The following SYN2 variants were observed in gnomAD, a reference collection of about 807,000 sequenced individuals.
SYN2 encodes the protein synapsin-2.
A neutral mutation model predicts 50.9 loss-of-function variants in SYN2; 19 were observed. That is an observed-to-expected ratio of 0.37 (90% CI 0.26 to 0.55). The LOEUF (loss-of-function observed/expected upper bound fraction) is 0.55. SYN2 is among the 20% of genes least tolerant of loss of function. SYN2 has a pLI of 0.81. For missense variants in SYN2, 587 were observed against 576.4 expected (o/e 1.02, Z -0.19); for synonymous variants, 255 against 224.9 (o/e 1.13, Z -1.20).
At chr3:12,085,323 AATC>A (rs1229155779) in intron 1 of SYN2, among the ~76,000 whole-genome samples, 1 of 147,800 alleles carries the variant, frequency 6.8e-6, no homozygotes, top group African/African-American at 2.5e-5. Flanking sequence ...AAGACATAAT[AATC>A]ATATATATAT....
At chr3:12,089,997 A>G (rs534311328) in intron 1 of SYN2, among the ~76,000 whole-genome samples, 17 of 152,336 alleles carry the variant, frequency 1.1e-4, no homozygotes, top group Non-Finnish European at 1.9e-4. Context: ...AATGAGCACT[A>G]GGTAGCCCTG....
chr3:12,005,710 A>G (rs945826109), intron 1 of SYN2, among the ~76,000 whole-genome samples: 1 of 151,934 alleles, frequency 6.6e-6, no homozygotes, highest in Non-Finnish European at 1.5e-5. Flanking sequence ...TTAAAGGGGT[A>G]CAAATAAAAG....
intron 1 of SYN2, among the ~76,000 whole-genome samples, chr3:12,038,690 T>C (rs1260976751): frequency 6.6e-6 from 1 of 152,168 alleles, no homozygotes; most frequent in African/African-American, 2.4e-5. Flanking sequence ...AATTGGTCCC[T>C]TTATTTCATT....
rs527974273 is a variant in SYN2 at position 12,069,376 on chromosome 3, G to A, written c.377+64448G>A. On this transcript the variant is annotated intron_variant, in intron 1 of 12. Coordinates refer to ENST00000621198, the MANE Select transcript of SYN2 (RefSeq NM_133625.6). ...CTGTTCTCCTGCCTCAGCCTCCTGA[G>A]CAGCTGGGATTACAGGCACATGCCA... 2.0e-5 allele frequency among the ~76,000 whole-genome samples: 3 copies of A among 152,180 alleles called. No individual in the cohort carries two copies. The East Asian group carries it at 5.8e-4, about 29-fold the overall frequency.
intron 1 of SYN2, among the ~76,000 whole-genome samples, chr3:12,083,030 G>A (rs956795799): frequency 1.4e-4 from 22 of 151,836 alleles, no homozygotes; most frequent in Non-Finnish European, 2.1e-4. Flanking sequence ...TTTTTTCCCC[G>A]AGACTGAGTC....
chr3:12,077,269 T>C (rs1440030353), intron 1 of SYN2, among the ~76,000 whole-genome samples: 1 of 152,064 alleles, frequency 6.6e-6, no homozygotes, highest in Non-Finnish European at 1.5e-5. Flanking sequence ...GGCCATAGAT[T>C]TTAATCAAAC....
intron 1 of SYN2, among the ~76,000 whole-genome samples, chr3:12,042,751 G>A (rs1451516096): frequency 6.6e-6 from 1 of 152,160 alleles, no homozygotes; most frequent in East Asian, 1.9e-4. Context: ...CCAATGGCTG[G>A]TGTCCTTATA....
chr3:12,092,057 T>C (rs1215982612), intron 1 of SYN2, among the ~76,000 whole-genome samples: 1 of 152,114 alleles, frequency 6.6e-6, no homozygotes, highest in East Asian at 1.9e-4. Context: ...CATTCTTCTT[T>C]TTGCAAAGAA....
chr3:12,011,924 A>G (rs919347457), intron 1 of SYN2, among the ~76,000 whole-genome samples: 13 of 152,232 alleles, frequency 8.5e-5, no homozygotes, highest in African/African-American at 1.2e-4. Context: ...TGTAAAAGCT[A>G]AAGAGCCATA....
At chr3:12,122,590 G>A (rs1484534599) in intron 1 of SYN2, among the ~76,000 whole-genome samples, 1 of 152,110 alleles carries the variant, frequency 6.6e-6, no homozygotes, top group Admixed American at 6.5e-5. Flanking sequence ...ATCTGTACAT[G>A]GAGGACAACA....
intron 11 of SYN2, chr3:12,184,962 C>T: frequency 1.0e-6 from 1 of 985,736 alleles, no homozygotes; most frequent in Non-Finnish European, 1.2e-6. Flanking sequence ...ACTCCCAGAT[C>T]TGAGAAGGAA....
At chr3:12,041,187 C>A (rs1422048693) in intron 1 of SYN2, among the ~76,000 whole-genome samples, 1 of 152,192 alleles carries the variant, frequency 6.6e-6, no homozygotes, top group Non-Finnish European at 1.5e-5. Context: ...GCTGCCGGAT[C>A]ATGGTATCCC....
At chr3:12,141,042 G>A (rs991474309) in intron 2 of SYN2, among the ~76,000 whole-genome samples, 4 of 152,030 alleles carry the variant, frequency 2.6e-5, no homozygotes, top group Non-Finnish European at 4.4e-5. Context: ...CGTTACCTCC[G>A]TATTGTTGGT....
chr3:12,146,216 A>T (rs1304431550), intron 4 of SYN2, among the ~76,000 whole-genome samples: 1 of 152,230 alleles, frequency 6.6e-6, no homozygotes, highest in Non-Finnish European at 1.5e-5. Context: ...CTTGCCTCCT[A>T]GAATGATTAA....
chr3:12,176,972 G>C (rs765633512), intron 10 of SYN2, among the ~76,000 whole-genome samples: 2 of 152,192 alleles, frequency 1.3e-5, no homozygotes, highest in African/African-American at 2.4e-5. Context: ...GGTGAAAGGG[G>C]AGGGCTGGGG....
chr3:12,063,793 T>C (rs913325426), intron 1 of SYN2, among the ~76,000 whole-genome samples: 1 of 151,932 alleles, frequency 6.6e-6, no homozygotes, highest in African/African-American at 2.4e-5. Flanking sequence ...TAATCCAAAA[T>C]AATAAATATC....
At position 12,187,564 on chromosome 3, in the gene SYN2, C is replaced by T. The variant is rs1276430425; in HGVS notation, c.1565C>T (p.Pro522Leu). 1.9e-6 allele frequency: 3 copies of T among 1,552,314 alleles called. No homozygotes were observed. Among genetic ancestry groups the T allele is most frequent in the Non-Finnish European group, 2.6e-6 (3 of 1,147,244 alleles). Residue 522 changes from proline (P) to leucine (L), a missense_variant, in exon 12 of 13, where the codon CCA becomes CTA. By Grantham distance (98) the Pro-to-Leu change is moderately conservative (BLOSUM62 -3). Coordinates refer to ENST00000621198, the MANE Select transcript of SYN2 (RefSeq NM_133625.6). ...AGCAGCTCCCTGGCAGAGGCCCAGC[C>T]ACCCCTGGCTGCTCCACCACAGAAG... ...SSSSSLAEAQ[P>L]PLAAPPQKPQ... is the part of the protein sequence containing the mutation.
intron 1 of SYN2, among the ~76,000 whole-genome samples, chr3:12,048,351 A>G (rs1339953577): frequency 6.6e-6 from 1 of 152,024 alleles, no homozygotes; most frequent in Non-Finnish European, 1.5e-5. Flanking sequence ...TATTTTTTGT[A>G]GAGACAGGGT....
intron 1 of SYN2, among the ~76,000 whole-genome samples, chr3:12,065,729 TG>T: frequency 6.6e-6 from 1 of 152,154 alleles, no homozygotes; most frequent in Non-Finnish European, 1.5e-5. Flanking sequence ...GGGCAAGGGT[TG>T]GAAAAACTAA....
Sources: gnomAD v4.1 joint callset for allele counts (sites outside exome capture counted in the v4.1 genomes callset) on GRCh38, gnomAD v4.1.1 for gene constraint, MANE v1.5 for transcripts, NCBI Gene and HGNC (gene_info 2026-07-23, HGNC 2026-07-21) for gene names.